PTPRZ1: variants seen among roughly 807,000 people sequenced by gnomAD.
The protein encoded by PTPRZ1 is protein tyrosine phosphatase receptor type Z1.
A neutral mutation model predicts 214.1 loss-of-function variants in PTPRZ1; 82 were observed. The ratio of observed to expected loss-of-function variants is 0.38; its 90% confidence interval spans 0.32 to 0.46. The LOEUF is 0.46. Ranked by LOEUF, PTPRZ1 falls within the 20% of genes least tolerant of loss-of-function variation. The pLI, the probability that PTPRZ1 is intolerant of heterozygous loss-of-function variation, is 1.00. For synonymous variants in PTPRZ1, 945 were observed against 987.9 expected (o/e 0.96, Z 0.81); for missense variants, 2,603 against 2,748.7 (o/e 0.95, Z 1.19).
At chr7:122,041,587 A>G (rs562301320) in intron 21 of PTPRZ1, among the ~76,000 whole-genome samples, 1 of 152,316 alleles carries the variant, frequency 6.6e-6, no homozygotes, top group East Asian at 1.9e-4. Context: ...TGTTTCAATG[A>G]AAGAGGAAAA....
intron 2 of PTPRZ1, among the ~76,000 whole-genome samples, chr7:121,963,671 A>T (rs1367283661): frequency 6.6e-6 from 1 of 152,126 alleles, no homozygotes; most frequent in Non-Finnish European, 1.5e-5. Context: ...TAAAATCAAA[A>T]TATGCATGCT....
intron 10 of PTPRZ1, among the ~76,000 whole-genome samples, chr7:121,998,296 A>G (rs1276290964): frequency 6.6e-6 from 1 of 152,162 alleles, no homozygotes. Context: ...GAAAATTGCT[A>G]TGTAAATGTT....
At chr7:122,039,652 T>A in intron 20 of PTPRZ1, 64 bp downstream of exon 20, 1 of 1,566,852 alleles carries the variant, frequency 6.4e-7, no homozygotes, top group Non-Finnish European at 8.7e-7. Context: ...TTTAAGTGAA[T>A]AAGCGATAGA....
At chr7:121,972,760 A>G (rs1226336085) in intron 4 of PTPRZ1, 68 bp downstream of exon 4, 5 of 1,206,200 alleles carry the variant, frequency 4.1e-6, no homozygotes, top group Non-Finnish European at 5.6e-6. Flanking sequence ...TTAGCATATA[A>G]TTTGATTAAT....
At chr7:121,886,107 T>G (rs188658524) in intron 1 of PTPRZ1, among the ~76,000 whole-genome samples, 52 of 152,204 alleles carry the variant, frequency 3.4e-4, no homozygotes, top group African/African-American at 1.2e-3. Context: ...TTTGGGTGAT[T>G]GCGCTACTGG....
chr7:122,058,751 C>T (rs764242496), intron 27 of PTPRZ1, 49 bp from the exon 28 acceptor site: 19 of 1,508,944 alleles, frequency 1.3e-5, no homozygotes, highest in Non-Finnish European at 1.7e-5. Flanking sequence ...TGATTCCACT[C>T]CTGGTAAACT....
intron 1 of PTPRZ1, among the ~76,000 whole-genome samples, chr7:121,882,735 C>T (rs1794280830): frequency 6.6e-6 from 1 of 152,146 alleles, no homozygotes; most frequent in African/African-American, 2.4e-5. Flanking sequence ...GACAGGGAAT[C>T]AGGAAGCTTG....
At chr7:121,881,401 G>A (rs1794234413) in intron 1 of PTPRZ1, among the ~76,000 whole-genome samples, 1 of 152,076 alleles carries the variant, frequency 6.6e-6, no homozygotes, top group South Asian at 2.1e-4. Flanking sequence ...CTGATGCCTG[G>A]GCATCAAATC....
intron 1 of PTPRZ1, among the ~76,000 whole-genome samples, chr7:121,912,346 A>C (rs1426968971): frequency 6.6e-6 from 1 of 152,138 alleles, no homozygotes; most frequent in Non-Finnish European, 1.5e-5. Flanking sequence ...ACTGGTTTGT[A>C]CTCATTCTGT....
chr7:122,051,261 A>C (rs1425255533), intron 23 of PTPRZ1, among the ~76,000 whole-genome samples, 167 bp from the exon 24 acceptor site: 1 of 152,202 alleles, frequency 6.6e-6, no homozygotes, highest in Non-Finnish European at 1.5e-5. Context: ...GAAGTTCACT[A>C]AAACAAGGTT....
At chr7:121,873,988 A>G (rs78841222) in intron 1 of PTPRZ1, among the ~76,000 whole-genome samples, 4,313 of 151,886 alleles carry the variant, frequency 0.028, 203 homozygotes, top group African/African-American at 0.098. Flanking sequence ...TTTTTATGCT[A>G]TAGGTATGAT....
intron 1 of PTPRZ1, chr7:121,908,361 T>G: frequency 2.9e-5 from 9 of 309,112 alleles, no homozygotes; most frequent in South Asian, 5.8e-5. Context: ...ATCAATCCCT[T>G]TGGAAAAGAA....
At position 122,010,921 on chromosome 7, in the gene PTPRZ1, A is replaced by G. The variant is rs1361805437; in HGVS notation, c.1875A>G (p.Glu625=). 2 of 1,614,124 alleles carry G rather than the reference A, an allele frequency of 1.2e-6. No homozygotes were observed. Among genetic ancestry groups the G allele is most frequent in the African/African-American group, 1.3e-5 (1 of 75,038 alleles). ...TAACATATGATGTCCTTATACCAGA[A>G]TCTGCTAGAAATGCTTCCGAAGATT... ...ETITYDVLIP[E]SARNASEDST... is the part of the protein sequence containing the mutation. The change falls in exon 12 of 30, where the codon GAA becomes GAG. Residue 625 remains glutamate (E), a synonymous_variant. Coordinates refer to ENST00000393386, the MANE Select transcript of PTPRZ1 (RefSeq NM_002851.3).
intron 17 of PTPRZ1, among the ~76,000 whole-genome samples, chr7:122,034,943 G>A (rs925192431): frequency 4.6e-5 from 7 of 151,574 alleles, no homozygotes; most frequent in Admixed American, 2.0e-4. Context: ...GCAATTTTAC[G>A]TAATATTTCT....
Position 122,011,235 on chromosome 7 carries a change from C to A in PTPRZ1, c.2189C>A (p.Pro730Gln). ...GAGGTAACACCTCATGCTTTTACCCCATCCTCCAGACAACAGGATTTGGTC... is the reference window on the plus strand; with the variant it reads ...GAGGTAACACCTCATGCTTTTACCCAATCCTCCAGACAACAGGATTTGGTC... ...PTEVTPHAFT[P>Q]SSRQQDLVST... is the part of the protein sequence containing the mutation. Residue 730 changes from proline to glutamine, a missense_variant, in exon 12 of 30, where the codon CCA (proline) becomes CAA (glutamine). By Grantham distance (76) the Pro-to-Gln change is moderately conservative (BLOSUM62 -1). Around this residue, in one of 6 missense-constraint regions of PTPRZ1, gnomAD observed 1,913 missense variants for 1,914.3 expected, o/e 1.00. Transcript: ENST00000393386. 1 of 1,614,048 alleles carries A rather than the reference C, an allele frequency of 6.2e-7. No individual in the cohort carries two copies. Among genetic ancestry groups the A allele is most frequent in the Non-Finnish European group, 8.5e-7 (1 of 1,179,982 alleles).
chr7:122,042,184 G>A (rs746681666), intron 21 of PTPRZ1, among the ~76,000 whole-genome samples: 2 of 152,126 alleles, frequency 1.3e-5, no homozygotes, highest in African/African-American at 2.4e-5. Flanking sequence ...TTACAAACAT[G>A]TCTACCTGGA....
intron 23 of PTPRZ1, among the ~76,000 whole-genome samples, chr7:122,048,572 C>T (rs1194241967): frequency 3.3e-5 from 5 of 152,064 alleles, no homozygotes; most frequent in Non-Finnish European, 7.4e-5. Flanking sequence ...GATTATTATG[C>T]ATTGTATGCC....
chr7:121,889,844 C>T (rs1197816956), intron 1 of PTPRZ1, among the ~76,000 whole-genome samples: 1 of 152,098 alleles, frequency 6.6e-6, no homozygotes, highest in Non-Finnish European at 1.5e-5. Flanking sequence ...CTTTATGGAC[C>T]TACCAAGAGC....
intron 2 of PTPRZ1, among the ~76,000 whole-genome samples, chr7:121,936,713 TA>T (rs1796096053): frequency 6.6e-6 from 1 of 152,224 alleles, no homozygotes; most frequent in Non-Finnish European, 1.5e-5. Context: ...CATCAGATGT[TA>T]TCTTATCTGT....
Sources: gnomAD v4.1 joint callset for allele counts (sites outside exome capture counted in the v4.1 genomes callset) on GRCh38, gnomAD v4.1.1 for gene constraint, gnomAD v4.1.1 regional missense constraint, MANE v1.5 for transcripts, NCBI Gene and HGNC (gene_info 2026-07-23, HGNC 2026-07-21) for gene names.